Variants in PKHD1 observed in about 807,000 individuals in gnomAD.
PKHD1 encodes PKHD1 ciliary IPT domain containing fibrocystin/polyductin, also known as fibrocystin.
Under a neutral mutation model 412.0 loss-of-function variants are expected in PKHD1, and 291 were observed. That is an observed-to-expected ratio of 0.71 (90% CI 0.64 to 0.78). The LOEUF (loss-of-function observed/expected upper bound fraction) is 0.78. PKHD1 is among the 30% of genes least tolerant of loss of function. The pLI, the probability that PKHD1 is intolerant of heterozygous loss-of-function variation, is 0.00. For synonymous variants in PKHD1, 1,777 were observed against 1,821.5 expected (o/e 0.98, Z 0.62); for missense variants, 4,825 against 4,950.7 (o/e 0.97, Z 0.76).
chr6:51,717,277 TG>T (rs1781388972), intron 60 of PKHD1, among the ~76,000 whole-genome samples: 1 of 152,108 alleles, frequency 6.6e-6, no homozygotes, highest in Non-Finnish European at 1.5e-5. Context: ...CTGGGCATGG[TG>T]GTGTGTGCCT....
At chr6:51,695,331 T>G (rs894173338) in intron 60 of PKHD1, among the ~76,000 whole-genome samples, 2 of 152,150 alleles carry the variant, frequency 1.3e-5, no homozygotes, top group Admixed American at 1.3e-4. Context: ...CTTTATAATG[T>G]AACCTCAATC....
Position 51,628,890 on chromosome 6 carries a change from G to C in PKHD1, c.11666-1774C>G, listed in dbSNP as rs548585936. On this transcript the variant is annotated intron_variant, in intron 65 of 66. Transcript: ENST00000371117. ...AGACATAGACCAATGGAACAGGTGA[G>C]AGAACTCAATAATGAAGCTGCACAC... is the stretch of plus-strand genomic sequence containing the variant. Among the ~76,000 whole-genome samples, 5 of 152,248 alleles carry C rather than the reference G, an allele frequency of 3.3e-5. No homozygotes were observed. The East Asian group carries it at 9.6e-4, about 29-fold the overall frequency.
At chr6:51,807,485 ATGTGTGTGTGTGTGTG>A (rs567506746) in intron 52 of PKHD1, among the ~76,000 whole-genome samples, 10 of 111,794 alleles carry the variant, frequency 8.9e-5, no homozygotes, top group Admixed American at 8.5e-4. Flanking sequence ...ATATATGTAT[ATGTGTGTGTGTGTGTG>A]TGTGTGTGTG....
In PKHD1 at chr6:52,079,868, T is replaced by C. The variant is rs932341817; in HGVS notation, c.390+32A>G. ...AACACAAGCACACCCTTAGACTATG[T>C]AAACATACCTTCCTCCAGCCTTAGA... On this transcript the variant is annotated intron_variant, in intron 5 of 66. Coordinates refer to ENST00000371117, the MANE Select transcript of PKHD1 (RefSeq NM_138694.4). 5 of 1,213,102 alleles carry C rather than the reference T, an allele frequency of 4.1e-6. No homozygotes were observed. The African/African-American group carries it at 7.5e-5, about 18-fold the overall frequency. The allele number at this position is 1,213,102 out of a possible 1,614,324, so 75.1% of individuals were successfully genotyped here. A position where few individuals can be genotyped will look rare whatever the true frequency, so the allele number is the denominator to read the frequency against.
rs749211665 is a variant in PKHD1, at chr6:51,748,441, T to A, written c.9175A>T (p.Thr3059Ser). The change falls in exon 58 of 67, where the codon ACT becomes TCT. Residue 3059 changes from threonine to serine, a missense_variant. Transcript: ENST00000371117. ...HGIDLEGQAY[T>S]VTNNLVVLMT... ...AGAACCACAAGGTTATTAGTGACAG[T>A]ATAGGCCTGACCCTCTAAATCTATG... 1.2e-6 allele frequency: 2 copies of A among 1,613,928 alleles called. No homozygotes were observed. The highest frequency in any genetic ancestry group is 2.7e-5 in the African/African-American group (2 of 74,920).
chr6:51,956,386 T>C (rs1791145098), intron 36 of PKHD1, among the ~76,000 whole-genome samples: 1 of 151,958 alleles, frequency 6.6e-6, no homozygotes, highest in Non-Finnish European at 1.5e-5. Context: ...AAAAGTGGTA[T>C]TTAAGAGAGC....
rs753409918 is a variant in PKHD1, at chr6:52,028,306, G to A, written c.3410C>T (p.Thr1137Met). Residue 1137 changes from threonine to methionine, a missense_variant, in exon 30 of 67, where the codon ACG becomes ATG. Transcript: ENST00000371117. ...VIGVARLMNY[T>M]DLDVEVHVQD... The stretch of plus-strand genomic sequence containing the variant: ...GACGTGGACTTCCACATCCAAATCC[G>A]TATAGTTCATCAGCCTCGCCACTCC... 21 of 1,614,036 alleles carry A rather than the reference G, an allele frequency of 1.3e-5. 1 individual carries two copies. The highest frequency in any genetic ancestry group is 1.7e-4 in the Middle Eastern group (1 of 6,018).
chr6:52,015,497 T>C (rs1800406160), intron 34 of PKHD1, among the ~76,000 whole-genome samples: 1 of 152,230 alleles, frequency 6.6e-6, no homozygotes, highest in Non-Finnish European at 1.5e-5. Flanking sequence ...GTTTAAATCA[T>C]AGGGCACTTA....
At chr6:51,833,244 A>G (rs1273432420) in intron 51 of PKHD1, among the ~76,000 whole-genome samples, 1 of 152,164 alleles carries the variant, frequency 6.6e-6, no homozygotes, top group East Asian at 1.9e-4. Flanking sequence ...ATGGAAACAA[A>G]CATTCTGTAC....
At chr6:51,901,508 TG>T (rs1781280560) in intron 43 of PKHD1, among the ~76,000 whole-genome samples, 1 of 150,080 alleles carries the variant, frequency 6.7e-6, no homozygotes, top group Non-Finnish European at 1.5e-5. Context: ...CATCACACTC[TG>T]GGGACTGTTG....
At chr6:51,740,310 A>C (rs1424827514) in intron 60 of PKHD1, among the ~76,000 whole-genome samples, 1 of 152,220 alleles carries the variant, frequency 6.6e-6, no homozygotes, top group Non-Finnish European at 1.5e-5. Flanking sequence ...TTTTGCTCCT[A>C]ATATGACAAT....
At chr6:51,711,444 T>C (rs1298618071) in intron 60 of PKHD1, among the ~76,000 whole-genome samples, 4 of 152,242 alleles carry the variant, frequency 2.6e-5, no homozygotes, top group Admixed American at 6.5e-5. Context: ...ATCCCTGAGC[T>C]TTATGGAACT....
At chr6:51,823,665 T>C (rs1766836012) in intron 52 of PKHD1, among the ~76,000 whole-genome samples, 1 of 152,222 alleles carries the variant, frequency 6.6e-6, no homozygotes, top group African/African-American at 2.4e-5. Context: ...ATTTATATTT[T>C]TATGTTTATT....
At chr6:51,707,335 A>T (rs916822115) in intron 60 of PKHD1, among the ~76,000 whole-genome samples, 1 of 152,126 alleles carries the variant, frequency 6.6e-6, no homozygotes, top group African/African-American at 2.4e-5. Flanking sequence ...GACTTTTTGC[A>T]ACTGTGAACA....
At chr6:51,742,449 T>C (rs906275710) in intron 60 of PKHD1, among the ~76,000 whole-genome samples, 31 of 152,330 alleles carry the variant, frequency 2.0e-4, no homozygotes, top group African/African-American at 6.5e-4. Context: ...TGTCAAATGC[T>C]GTACTGTAGC....
rs778537772 is a variant in PKHD1 at position 52,025,668 on chromosome 6, AC to A, written c.4141del (p.Val1381CysfsTer7). ...KQMGFANMSV[V>X]LQQFAVMPRI... is the part of the protein sequence containing the mutation. Reference sequence around the variant, plus strand: ...AGGCATCACTGCAAATTGCTGGAGCACCACAGACATATTAGCAAATCCCATC... The same window carrying A: ...AGGCATCACTGCAAATTGCTGGAGCACACAGACATATTAGCAAATCCCATC... On this transcript the variant is annotated frameshift_variant, in exon 32 of 67. Coordinates refer to ENST00000371117, the MANE Select transcript of PKHD1 (RefSeq NM_138694.4). LOFTEE classifies it high-confidence loss of function. 4 of 1,614,208 alleles carry A rather than the reference AC, an allele frequency of 2.5e-6. No individual in the cohort carries two copies. Among genetic ancestry groups the A allele is most frequent in the African/African-American group, 1.3e-5 (1 of 75,054 alleles).
Position 51,856,074 on chromosome 6 carries a change from A to C in PKHD1, c.7734-4T>G, listed in dbSNP as rs7452724. The C allele has an allele frequency of 6.4e-7, 1 of 1,574,706 alleles. No homozygotes were observed. Among genetic ancestry groups the C allele is most frequent in the East Asian group, 2.3e-5 (1 of 44,316 alleles). On this transcript the variant is annotated splice_polypyrimidine_tract_variant and splice_region_variant and intron_variant, in intron 48 of 66. Transcript: ENST00000371117. ...AGAAACTTCAGGAGTATTCGCTCTA[A>C]GGTGATTTTAAAAGGAAAAAAAATG...
chr6:51,804,504 T>C (rs1562348860), intron 52 of PKHD1, among the ~76,000 whole-genome samples: 1 of 147,004 alleles, frequency 6.8e-6, no homozygotes. Flanking sequence ...GCTCTATACC[T>C]GTCACTTCGC....
chr6:52,042,039 ATAATTACTGGGT>A (rs1465309505), intron 27 of PKHD1, among the ~76,000 whole-genome samples: 5 of 152,208 alleles, frequency 3.3e-5, no homozygotes, highest in African/African-American at 1.2e-4. Context: ...ACTCAAACCA[ATAATTACTGGGT>A]TAATACAGAA....
Sources: allele counts gnomAD v4.1 joint callset (sites outside exome capture counted in the v4.1 genomes callset), GRCh38; gene constraint gnomAD v4.1.1; transcripts MANE v1.5; gene names NCBI Gene and HGNC (gene_info 2026-07-23, HGNC 2026-07-21).